CSTF2T: variants seen among roughly 807,000 people sequenced by gnomAD.
CSTF2T encodes the protein cleavage stimulation factor subunit 2 tau variant.
A neutral mutation model predicts 39.9 loss-of-function variants in CSTF2T; 18 were observed. That is an observed-to-expected ratio of 0.45 (90% CI 0.31 to 0.67). The LOEUF (loss-of-function observed/expected upper bound fraction) is 0.67, where lower values mean the gene tolerates loss of function less well. CSTF2T is among the 30% of genes least tolerant of loss of function. The probability of loss-of-function intolerance (pLI) is 0.06; values close to 1 mark genes in which losing one functional copy is unlikely to be tolerated. For missense variants in CSTF2T, 681 were observed against 789.0 expected (o/e 0.86, Z 1.64); for synonymous variants, 291 against 276.4 (o/e 1.05, Z -0.52).
chr10:51,698,252 A>G lies in CSTF2T; in HGVS notation c.1298T>C (p.Met433Thr). ...METEVLETRV[M>T]ERRGMETCAM... Reference sequence around the variant, plus strand: ...ACAGGTCTCCATTCCTCTCCTCTCCATTACACGTGTCTCTAAGACCTCAGT... The same window carrying G: ...ACAGGTCTCCATTCCTCTCCTCTCCGTTACACGTGTCTCTAAGACCTCAGT... Residue 433 changes from methionine to threonine, a missense_variant, in exon 1 of 1, where the codon ATG (methionine) becomes ACG (threonine). Transcript: ENST00000331173. 6.2e-7 allele frequency: 1 copy of G among 1,613,630 alleles called. No homozygotes were observed. The highest frequency in any genetic ancestry group is 8.5e-7 in the Non-Finnish European group (1 of 1,179,850).
At position 51,697,928 on chromosome 10, in the gene CSTF2T, C is replaced by A. The variant is rs200381309; in HGVS notation, c.1622G>T (p.Gly541Val). 5.1e-5 allele frequency: 82 copies of A among 1,598,986 alleles called. No homozygotes were observed. The Middle Eastern group carries it at 9.9e-4, about 19-fold the overall frequency. Residue 541 changes from glycine (G) to valine (V), a missense_variant, in exon 1 of 1, where the codon GGA (glycine) becomes GTA (valine). Around this residue, in one of 4 missense-constraint regions of CSTF2T, gnomAD observed 282 missense variants for 289.2 expected, o/e 0.98. Coordinates refer to ENST00000331173, the MANE Select transcript of CSTF2T (RefSeq NM_015235.3). ...AGIQGVSIQGGGIQGGGIQGA... is the reference protein window; with the variant it reads ...AGIQGVSIQGVGIQGGGIQGA... Reference sequence around the variant, plus strand: ...CTGTATACCTCCTCCTTGTATACCTCCTCCTTGTATACTGACTCCTTGTAT... The same window carrying A: ...CTGTATACCTCCTCCTTGTATACCTACTCCTTGTATACTGACTCCTTGTAT...
rs1157918569 is a variant in CSTF2T at position 51,699,045 on chromosome 10, C to G, written c.505G>C (p.Ala169Pro). The part of the protein sequence containing the change: ...RNMLLQNPQL[A>P]YALLQAQVVM... Reference sequence around the variant, plus strand: ...ACTTGTGCCTGCAACAGTGCATAAGCCAGTTGTGGATTTTGAAGTAACATG... The same window carrying G: ...ACTTGTGCCTGCAACAGTGCATAAGGCAGTTGTGGATTTTGAAGTAACATG... The change falls in exon 1 of 1, where the codon GCT (alanine) becomes CCT (proline). Residue 169 changes from alanine (A) to proline (P), a missense_variant. Around this residue, in one of 4 missense-constraint regions of CSTF2T, gnomAD observed 329 missense variants for 344.1 expected, o/e 0.96. Transcript: ENST00000331173. The G allele has an allele frequency of 2.5e-6, 4 of 1,614,230 alleles. No individual in the cohort carries two copies. The highest frequency in any genetic ancestry group is 1.3e-5 in the African/African-American group (1 of 75,056).
rs763061471 is a variant in CSTF2T, at chr10:51,697,661, A to G, written c.*38T>C. 1 of 1,602,722 alleles carries G rather than the reference A, an allele frequency of 6.2e-7. No homozygotes were observed. Among genetic ancestry groups the G allele is most frequent in the South Asian group, 1.1e-5 (1 of 89,784 alleles). On this transcript the variant is annotated 3_prime_UTR_variant, in exon 1 of 1. Transcript: ENST00000331173. ...GCACCCATTCTCCATGCTACAGAAT[A>G]AAATTTGAGACTACAGCCAAATATT...
In CSTF2T at chr10:51,698,560, T is replaced by C; in HGVS notation, c.990A>G (p.Leu330=). Residue 330 remains leucine, a synonymous_variant, in exon 1 of 1, where the codon TTA becomes TTG. Transcript: ENST00000331173. Reference sequence around the variant, plus strand: ...CACGTGGGTCATTTGGAGCATCTCCTAACAGTCCTCGAGGAGGCAGACCAC... The same window carrying C: ...CACGTGGGTCATTTGGAGCATCTCCCAACAGTCCTCGAGGAGGCAGACCAC... ...TPGGLPPRGL[L]GDAPNDPRGG... 6.2e-7 allele frequency: 1 copy of C among 1,614,036 alleles called. No individual in the cohort carries two copies. Among genetic ancestry groups the C allele is most frequent in the Non-Finnish European group, 8.5e-7 (1 of 1,180,022 alleles).
At position 51,697,652 on chromosome 10, in the gene CSTF2T, C is replaced by G; in HGVS notation, c.*47G>C. The stretch of plus-strand genomic sequence containing the variant: ...CAGCTTTTTGCACCCATTCTCCATG[C>G]TACAGAATAAAATTTGAGACTACAG... On this transcript the variant is annotated 3_prime_UTR_variant, in exon 1 of 1. Coordinates refer to ENST00000331173, the MANE Select transcript of CSTF2T (RefSeq NM_015235.3). 6.3e-7 allele frequency: 1 copy of G among 1,589,690 alleles called. No individual in the cohort carries two copies.
Position 51,696,415 on chromosome 10 carries a change from G to C in CSTF2T, c.*1284C>G, listed in dbSNP as rs1440037753. 1 of 152,038 alleles carries C rather than the reference G, an allele frequency of 6.6e-6. No individual in the cohort carries two copies. Among genetic ancestry groups the C allele is most frequent in the East Asian group, 1.9e-4 (1 of 5,176 alleles). The allele number at this position is 152,038 out of a possible 1,614,324, so 9.4% of individuals were successfully genotyped here. ...ACTCATCCAGATCAACTAGTCCCTA[G>C]ACACTGATTTTTGGGAAGGATGTAA... On this transcript the variant is annotated 3_prime_UTR_variant, in exon 1 of 1. Coordinates refer to ENST00000331173, the MANE Select transcript of CSTF2T (RefSeq NM_015235.3).
Position 51,698,928 on chromosome 10 carries a change from C to A in CSTF2T, c.622G>T (p.Val208Leu), listed in dbSNP as rs1463985253. 9 of 1,614,230 alleles carry A rather than the reference C, an allele frequency of 5.6e-6. No individual in the cohort carries two copies. The highest frequency in any genetic ancestry group is 1.7e-5 in the Admixed American group (1 of 60,034). The part of the protein sequence containing the change: ...TPLIPGKSQS[V>L]SVSGPGPGPG... ...CCAGGGCCAGGGCCAGAGACAGACA[C>A]AGACTGAGATTTGCCTGGGATCAGT... The change falls in exon 1 of 1, where the codon GTG (valine) becomes TTG (leucine). Residue 208 changes from valine to leucine, a missense_variant. Physicochemically the swap from Val to Leu is conservative, Grantham distance 32. This residue lies in a region of CSTF2T where 329 missense variants were observed against 344.1 expected (regional missense o/e 0.96). Coordinates refer to ENST00000331173, the MANE Select transcript of CSTF2T (RefSeq NM_015235.3).
In CSTF2T at chr10:51,697,532, A is replaced by G; in HGVS notation, c.*167T>C. The stretch of plus-strand genomic sequence containing the variant: ...CCTCCTCCCCCCACCCTCAATTAAA[A>G]AAAAAAGGAAAACAGAAAGAAAGAA... On this transcript the variant is annotated 3_prime_UTR_variant, in exon 1 of 1. Coordinates refer to ENST00000331173, the MANE Select transcript of CSTF2T (RefSeq NM_015235.3). The G allele has an allele frequency of 1.4e-6, 1 of 739,150 alleles. No individual in the cohort carries two copies. Among genetic ancestry groups the G allele is most frequent in the South Asian group, 2.0e-5 (1 of 51,138 alleles). The allele number at this position is 739,150 out of a possible 1,614,324, so 45.8% of individuals were successfully genotyped here. A position where few individuals can be genotyped will look rare whatever the true frequency, so the allele number is the denominator to read the frequency against.
Position 51,698,298 on chromosome 10 carries a change from T to A in CSTF2T, c.1252A>T (p.Met418Leu). ...TCAGTTTCCATGGCACGAGTCTCCATCGCTCGAGAATCTCTACCACCTCTA... is the reference window on the plus strand; with the variant it reads ...TCAGTTTCCATGGCACGAGTCTCCAACGCTCGAGAATCTCTACCACCTCTA... ...DGRGGRDSRA[M>L]ETRAMETEVL... The change falls in exon 1 of 1, where the codon ATG (methionine) becomes TTG (leucine). Residue 418 changes from methionine (M) to leucine (L), a missense_variant. Physicochemically the swap from Met to Leu is conservative, Grantham distance 15 (BLOSUM62 2). Around this residue, in one of 4 missense-constraint regions of CSTF2T, gnomAD observed 282 missense variants for 289.2 expected, o/e 0.98. Coordinates refer to ENST00000331173, the MANE Select transcript of CSTF2T (RefSeq NM_015235.3). 1.2e-6 allele frequency: 2 copies of A among 1,614,028 alleles called. No homozygotes were observed. The highest frequency in any genetic ancestry group is 1.7e-6 in the Non-Finnish European group (2 of 1,180,030).
At position 51,699,333 on chromosome 10, in the gene CSTF2T, C is replaced by T; in HGVS notation, c.217G>A (p.Ala73Thr). 1 of 1,614,176 alleles carries T rather than the reference C, an allele frequency of 6.2e-7. No homozygotes were observed. Among genetic ancestry groups the T allele is most frequent in the Non-Finnish European group, 8.5e-7 (1 of 1,180,036 alleles). ...TCCCGCCCATTGAGGTTCCGCATGG[C>T]ACTAAGCGCGGTCTCCTGGTCTTGG... ...EYQDQETALSAMRNLNGREFS... is the reference protein window; with the variant it reads ...EYQDQETALSTMRNLNGREFS... The change falls in exon 1 of 1, where the codon GCC becomes ACC. Residue 73 changes from alanine (A) to threonine (T), a missense_variant. Transcript: ENST00000331173.
At position 51,698,155 on chromosome 10, in the gene CSTF2T, G is replaced by C; in HGVS notation, c.1395C>G (p.Pro465=). ...ARGLEMRGPV[P]SSRGPMTGGI... ...CACCAGTCATAGGGCCTCTTGAACT[G>C]GGGACAGGGCCCCTCATCTCCAATC... Residue 465 remains proline (P), a synonymous_variant, in exon 1 of 1, where the codon CCC becomes CCG. Transcript: ENST00000331173. The C allele has an allele frequency of 6.2e-7, 1 of 1,614,038 alleles. No homozygotes were observed. Among genetic ancestry groups the C allele is most frequent in the Non-Finnish European group, 8.5e-7 (1 of 1,179,982 alleles).
At position 51,697,761 on chromosome 10, in the gene CSTF2T, CA is replaced by C. The variant is rs1841337335; in HGVS notation, c.1788del (p.Glu597SerfsTer7). The C allele has an allele frequency of 6.2e-7, 1 of 1,614,014 alleles. No homozygotes were observed. Among genetic ancestry groups the C allele is most frequent in the Non-Finnish European group, 8.5e-7 (1 of 1,180,030 alleles). ...LTADQIAMLP[P>X]EQRQSILILK... ...AAAATCAGGATACTCTGCCTTTGCT[CA>C]GGGGGCAGCATGGCAATCTGATCTG... On this transcript the variant is annotated frameshift_variant, in exon 1 of 1. Transcript: ENST00000331173. LOFTEE classifies it high-confidence loss of function.
Position 51,698,960 on chromosome 10 carries a change from A to G in CSTF2T, c.590T>C (p.Val197Ala). 2 of 1,614,236 alleles carry G rather than the reference A, an allele frequency of 1.2e-6. No homozygotes were observed. The highest frequency in any genetic ancestry group is 1.7e-6 in the Non-Finnish European group (2 of 1,180,040). ...ALKILHRKIHVTPLIPGKSQS... is the reference protein window; with the variant it reads ...ALKILHRKIHATPLIPGKSQS... ...AGATTTGCCTGGGATCAGTGGTGTG[A>G]CATGTATCTTCCGATGCAGAATTTT... Residue 197 changes from valine to alanine, a missense_variant, in exon 1 of 1, where the codon GTC becomes GCC. Transcript: ENST00000331173.
In CSTF2T at chr10:51,699,060, G is replaced by T. The variant is rs1349237539; in HGVS notation, c.490C>A (p.Gln164Lys). Residue 164 changes from glutamine to lysine, a missense_variant, in exon 1 of 1, where the codon CAA becomes AAA. Around this residue, in one of 4 missense-constraint regions of CSTF2T, gnomAD observed 329 missense variants for 344.1 expected, o/e 0.96. Coordinates refer to ENST00000331173, the MANE Select transcript of CSTF2T (RefSeq NM_015235.3). ...AGTGCATAAGCCAGTTGTGGATTTT[G>T]AAGTAACATGTTTCGAGCTTCCTGG... ...SHQEARNMLL[Q>K]NPQLAYALLQ... 3 of 1,614,214 alleles carry T rather than the reference G, an allele frequency of 1.9e-6. No individual in the cohort carries two copies. Among genetic ancestry groups the T allele is most frequent in the Admixed American group, 1.7e-5 (1 of 60,034 alleles).
chr10:51,698,025 G>C lies in CSTF2T; in HGVS notation c.1525C>G (p.Gln509Glu). The change falls in exon 1 of 1, where the codon CAG becomes GAG. Residue 509 changes from glutamine (Q) to glutamate (E), a missense_variant. Transcript: ENST00000331173. ...SGVGNPGAGM[Q>E]GTGIQGTGMQ... ...CCTGTTCCTTGTATGCCTGTACCCT[G>C]CATACCAGCTCCAGGATTCCCCACC... 1.9e-6 allele frequency: 3 copies of C among 1,613,856 alleles called. No individual in the cohort carries two copies. The highest frequency in any genetic ancestry group is 2.5e-6 in the Non-Finnish European group (3 of 1,179,946).
In CSTF2T at chr10:51,699,144, G is replaced by A; in HGVS notation, c.406C>T (p.Pro136Ser). 1.2e-6 allele frequency: 2 copies of A among 1,614,200 alleles called. No individual in the cohort carries two copies. Among genetic ancestry groups the A allele is most frequent in the Non-Finnish European group, 1.7e-6 (2 of 1,180,032 alleles). Residue 136 changes from proline (P) to serine (S), a missense_variant, in exon 1 of 1, where the codon CCC becomes TCC. Coordinates refer to ENST00000331173, the MANE Select transcript of CSTF2T (RefSeq NM_015235.3). ...ESITRAVASL[P>S]PEQMFELMKQ... ...ATCAGCTCAAACATCTGCTCCGGGG[G>A]GAGACTGGCTACTGCTCTGGTAATC...
At position 51,699,310 on chromosome 10, in the gene CSTF2T, C is replaced by T. The variant is rs765635318; in HGVS notation, c.240G>A (p.Arg80=). Residue 80 remains arginine (R), a synonymous_variant, in exon 1 of 1, where the codon CGG becomes CGA. Coordinates refer to ENST00000331173, the MANE Select transcript of CSTF2T (RefSeq NM_015235.3). ...CCCGAAGCGCTCTCCCACTGAACTC[C>T]CGCCCATTGAGGTTCCGCATGGCAC... ...ALSAMRNLNG[R]EFSGRALRVD... is the part of the protein sequence containing the mutation. 1.4e-5 allele frequency: 22 copies of T among 1,614,018 alleles called. No homozygotes were observed. Among genetic ancestry groups the T allele is most frequent in the Non-Finnish European group, 1.9e-5 (22 of 1,180,026 alleles).
At position 51,698,193 on chromosome 10, in the gene CSTF2T, T is replaced by C. The variant is rs750928413; in HGVS notation, c.1357A>G (p.Met453Val). ...CTCATCTCCAATCCTCTTGCATCCA[T>C]GCCCCTTGCTTCCATCCCTCTGGTT... ...METRGMEARG[M>V]DARGLEMRGP... Residue 453 changes from methionine (M) to valine (V), a missense_variant, in exon 1 of 1, where the codon ATG (methionine) becomes GTG (valine). Transcript: ENST00000331173. 2 of 1,614,172 alleles carry C rather than the reference T, an allele frequency of 1.2e-6. No individual in the cohort carries two copies. The highest frequency in any genetic ancestry group is 1.1e-5 in the South Asian group (1 of 91,092).
At position 51,697,717 on chromosome 10, in the gene CSTF2T, T is replaced by C. The variant is rs1186263285; in HGVS notation, c.1833A>G (p.Lys611=). 6.2e-7 allele frequency: 1 copy of C among 1,614,148 alleles called. No homozygotes were observed. The highest frequency in any genetic ancestry group is 1.1e-5 in the South Asian group (1 of 91,084). ...SILILKEQIQ[K]STGAS is the part of the protein sequence containing the mutation. The stretch of plus-strand genomic sequence containing the variant: ...AAACCTTTCAAGACGCTCCAGTGGA[T>C]TTCTGGATTTGTTCCTTTAAAATCA... The change falls in exon 1 of 1, where the codon AAA becomes AAG. Residue 611 remains lysine (K), a synonymous_variant. Coordinates refer to ENST00000331173, the MANE Select transcript of CSTF2T (RefSeq NM_015235.3).
Sources: allele counts gnomAD v4.1 joint callset, GRCh38; gene constraint gnomAD v4.1.1; regional missense constraint gnomAD v4.1.1; transcripts MANE v1.5; gene names NCBI Gene and HGNC (gene_info 2026-07-23, HGNC 2026-07-21).